The following ZZEF1 variants were observed in gnomAD, a reference collection of about 807,000 sequenced individuals.
The protein encoded by ZZEF1 is zinc finger ZZ-type and EF-hand domain-containing protein 1.
In ZZEF1, 157 loss-of-function variants were observed where a neutral mutation model predicts 342.8. The ratio of observed to expected loss-of-function variants is 0.46; its 90% CI spans 0.40 to 0.52. The LOEUF is 0.52. Among genes scored for constraint, ZZEF1 ranks in the 20% least tolerant of loss-of-function variants. The probability of loss-of-function intolerance (pLI) is 0.00; values close to 1 mark genes in which losing one functional copy is unlikely to be tolerated. For synonymous variants in ZZEF1, 1,505 were observed against 1,429.1 expected, an observed-to-expected ratio of 1.05 and a Z score of -1.20; for missense variants, 3,480 against 3,725.6, an observed-to-expected ratio of 0.93 and a Z score of 1.72.
Position 4,006,908 on chromosome 17 carries a change from G to T in ZZEF1, c.8868C>A (p.Leu2956=). 6.4e-7 allele frequency: 1 copy of T among 1,566,642 alleles called. No homozygotes were observed. The change falls in exon 55 of 55, where the codon CTC becomes CTA. Residue 2956 remains leucine (L), a synonymous_variant. Coordinates refer to ENST00000381638, the MANE Select transcript of ZZEF1 (RefSeq NM_015113.4). ...CCAAGGGCTAACACTCCACATTCCA[G>T]AGGCGGGTGGCCTTGTTTGGGTAGT... ...AINYPNKATR[L]WNVEC is the part of the protein sequence containing the mutation.
At position 4,085,593 on chromosome 17, in the gene ZZEF1, T is replaced by G; in HGVS notation, c.2646+77A>C. 3.2e-6 allele frequency: 5 copies of G among 1,578,238 alleles called. No individual in the cohort carries two copies. The Admixed American group carries it at 8.6e-5, about 27-fold the overall frequency. On this transcript the variant is annotated intron_variant, in intron 16 of 54. Coordinates refer to ENST00000381638, the MANE Select transcript of ZZEF1 (RefSeq NM_015113.4). ...CTGGGACGTTGCAACAGACGATATA[T>G]TCAGAGGTAACAAAGCCTAGCAAAT... is the stretch of plus-strand genomic sequence containing the variant.
chr17:4,055,492 G>A (rs1041699334), intron 33 of ZZEF1, among the ~76,000 whole-genome samples: 10 of 152,202 alleles, frequency 6.6e-5, no homozygotes, highest in African/African-American at 2.4e-4. Flanking sequence ...GAATCATGCA[G>A]CTCTGATGCC....
intron 3 of ZZEF1, 122 bp downstream of exon 3, chr17:4,116,850 A>T: frequency 9.6e-7 from 1 of 1,040,008 alleles, no homozygotes; most frequent in Non-Finnish European, 1.4e-6. Context: ...TTCTTACGTT[A>T]CAAACTCATG....
At chr17:4,083,504 C>T (rs965343087) in intron 16 of ZZEF1, among the ~76,000 whole-genome samples, 3 of 152,206 alleles carry the variant, frequency 2.0e-5, no homozygotes, top group Non-Finnish European at 2.9e-5. Context: ...TCTCTGAAAC[C>T]TTCCTCAATC....
chr17:4,027,376 C>A (rs540930835), intron 42 of ZZEF1, among the ~76,000 whole-genome samples: 1 of 143,946 alleles, frequency 6.9e-6, no homozygotes, highest in South Asian at 2.2e-4. Flanking sequence ...CTCACTGCAA[C>A]CTCCGCCTCC....
At chr17:4,089,056 C>T (rs1248464718) in intron 12 of ZZEF1, among the ~76,000 whole-genome samples, 163 bp from the exon 13 acceptor site, 1 of 152,020 alleles carries the variant, frequency 6.6e-6, no homozygotes, top group African/African-American at 2.4e-5. Flanking sequence ...CCAGCATTTA[C>T]AGTACAGAGA....
chr17:4,118,252 T>C (rs1712294958), intron 2 of ZZEF1, among the ~76,000 whole-genome samples: 1 of 152,140 alleles, frequency 6.6e-6, no homozygotes, highest in Non-Finnish European at 1.5e-5. Flanking sequence ...CACCCAACTT[T>C]AGGCTGGATG....
At chr17:4,053,955 T>C (rs955036001) in intron 34 of ZZEF1, 102 bp downstream of exon 34, 12 of 1,320,330 alleles carry the variant, frequency 9.1e-6, no homozygotes, top group Non-Finnish European at 1.1e-5. Context: ...CACTGGGCAG[T>C]ACTTTGATTT....
rs746867323 is a variant in ZZEF1 at position 4,142,785 on chromosome 17, C to T, written c.111G>A (p.Pro37=). 5.6e-6 allele frequency: 8 copies of T among 1,421,672 alleles called. No homozygotes were observed. Among genetic ancestry groups the T allele is most frequent in the East Asian group, 2.9e-5 (1 of 33,950 alleles). 88.1% of individuals were successfully genotyped at this position (1,421,672 alleles called of 1,614,324 possible). A position where few individuals can be genotyped will look rare whatever the true frequency, so the allele number is the denominator to read the frequency against. The change falls in exon 1 of 55, where the codon CCG becomes CCA. Residue 37 remains proline (P), a synonymous_variant. Coordinates refer to ENST00000381638, the MANE Select transcript of ZZEF1 (RefSeq NM_015113.4). ...GTGGTAGCGCTGGAGCCGCGACGCC[C>T]GGGCCGGGGGTCGTGCCCGAGACCG... The part of the protein sequence containing the change: ...WAAVSGTTPG[P]GVAAPALPPA...
At chr17:4,091,053 G>A (rs779033069) in intron 11 of ZZEF1, among the ~76,000 whole-genome samples, 3 of 152,168 alleles carry the variant, frequency 2.0e-5, no homozygotes, top group Non-Finnish European at 4.4e-5. Flanking sequence ...AATATAATCT[G>A]GGAACTAAGG....
At chr17:4,035,641 C>T (rs924184937) in intron 39 of ZZEF1, among the ~76,000 whole-genome samples, 10 of 152,148 alleles carry the variant, frequency 6.6e-5, no homozygotes, top group African/African-American at 1.9e-4. Flanking sequence ...TGTGAGTGTC[C>T]GAACCTAAGT....
At chr17:4,078,187 G>A in intron 18 of ZZEF1, 145 bp from the exon 19 acceptor site, 1 of 806,912 alleles carries the variant, frequency 1.2e-6, no homozygotes. Flanking sequence ...CAACCCAGCA[G>A]TCACCAAGAA....
In ZZEF1 at chr17:4,017,903, T is replaced by C. The variant is rs773258579; in HGVS notation, c.7574A>G (p.Lys2525Arg). 14 of 1,614,076 alleles carry C rather than the reference T, an allele frequency of 8.7e-6. No individual in the cohort carries two copies. In the Admixed American group the frequency reaches 2.0e-4, roughly 23 times the overall value. The change falls in exon 47 of 55, where the codon AAG becomes AGG. Residue 2525 changes from lysine (K) to arginine (R), a missense_variant. Physicochemically the swap from Lys to Arg is conservative, Grantham distance 26 (BLOSUM62 2). Around this residue, in one of 5 missense-constraint regions of ZZEF1, gnomAD observed 1,269 missense variants for 1,342.4 expected, o/e 0.95. Transcript: ENST00000381638. The surrounding 1 kb of genome is among the most constrained non-coding windows in gnomAD (Gnocchi z 5.1). Reference protein sequence around the residue: ...RSLAQRWQPSKSLRLEEQSAK... With the variant: ...RSLAQRWQPSRSLRLEEQSAK... Reference sequence around the variant, plus strand: ...GCTCTGTTCTTCCAGCCTCAGACTCTTACTGGGCTGCCACCGCTGAGCCAG... The same window carrying C: ...GCTCTGTTCTTCCAGCCTCAGACTCCTACTGGGCTGCCACCGCTGAGCCAG...
intron 24 of ZZEF1, among the ~76,000 whole-genome samples, chr17:4,073,781 T>G (rs759718144): frequency 1.1e-4 from 17 of 152,144 alleles, no homozygotes; most frequent in Admixed American, 4.6e-4. Flanking sequence ...GTCACATATC[T>G]ACATATATTT....
chr17:4,088,812 G>A lies in ZZEF1; in HGVS notation c.2107C>T (p.Leu703Phe). The stretch of plus-strand genomic sequence containing the variant: ...TCTGCTTCTGCTCTTGCAGGCCGGA[G>A]GTACCCACTGATGGTCAAGCCTTGC... ...GVQGLTISGYLRPARAEAEQS... is the reference protein window; with the variant it reads ...GVQGLTISGYFRPARAEAEQS... Residue 703 changes from leucine (L) to phenylalanine (F), a missense_variant, in exon 13 of 55, where the codon CTC becomes TTC. Transcript: ENST00000381638. 6.2e-7 allele frequency: 1 copy of A among 1,614,154 alleles called. No homozygotes were observed. Among genetic ancestry groups the A allele is most frequent in the East Asian group, 2.2e-5 (1 of 44,876 alleles).
At chr17:4,022,673 C>T (rs756142640) in intron 44 of ZZEF1, 36 bp downstream of exon 44, 9 of 1,612,602 alleles carry the variant, frequency 5.6e-6, no homozygotes, top group Non-Finnish European at 7.6e-6. Context: ...ACATCTGCAC[C>T]AGGAAAGAGG....
rs2056292772 is a variant in ZZEF1 at position 4,022,321 on chromosome 17, T to C, written c.7212+388A>G. 4 of 179,054 alleles carry C rather than the reference T, an allele frequency of 2.2e-5. No homozygotes were observed. The South Asian group carries it at 5.0e-4, about 22-fold the overall frequency. 11.1% of individuals were successfully genotyped at this position (179,054 alleles called of 1,614,324 possible). A position where few individuals can be genotyped will look rare whatever the true frequency, so the allele number is the denominator to read the frequency against. ...AGGTCTACGGGGAACAGTAATAAAA[T>C]TATAATGATCAACTAAAATCCTACG... is the stretch of plus-strand genomic sequence containing the variant. On this transcript the variant is annotated intron_variant, in intron 44 of 54. Transcript: ENST00000381638.
intron 18 of ZZEF1, 38 bp from the exon 19 acceptor site, chr17:4,078,080 A>G: frequency 6.3e-7 from 1 of 1,597,774 alleles, no homozygotes; most frequent in Non-Finnish European, 8.6e-7. Flanking sequence ...GTTCGTGACA[A>G]GGCCATTCAC....
intron 3 of ZZEF1, 56 bp downstream of exon 3, chr17:4,116,916 C>A: frequency 1.4e-6 from 2 of 1,481,042 alleles, no homozygotes; most frequent in Non-Finnish European, 1.8e-6. Context: ...TTTACCAACA[C>A]AACAGTTAGA....
Sources: allele counts gnomAD v4.1 joint callset (sites outside exome capture counted in the v4.1 genomes callset), GRCh38; gene constraint gnomAD v4.1.1; regional missense constraint gnomAD v4.1.1; non-coding constraint Gnocchi (gnomAD v3.1); transcripts MANE v1.5; gene names NCBI Gene and HGNC (gene_info 2026-07-23, HGNC 2026-07-21).